The following BMP7 variants were observed in gnomAD, a reference collection of about 807,000 sequenced individuals.
BMP7 encodes osteogenic protein 1.
A neutral mutation model predicts 41.2 loss-of-function variants in BMP7; 12 were observed. The observed-to-expected ratio is 0.29, with a 90% confidence interval of 0.19 to 0.47. The LOEUF is 0.47. Ranked by LOEUF, BMP7 falls within the 20% of genes least tolerant of loss-of-function variation. The pLI is 0.99. For synonymous variants in BMP7, 248 were observed against 250.0 expected (o/e 0.99, Z 0.07); for missense variants, 467 against 606.0 (o/e 0.77, Z 2.41).
intron 3 of BMP7, among the ~76,000 whole-genome samples, chr20:57,199,775 T>G (rs1984579940): frequency 6.6e-6 from 1 of 151,962 alleles, no homozygotes; most frequent in African/African-American, 2.4e-5. Flanking sequence ...TCCCTGACAA[T>G]CCAAGTGGGT....
chr20:57,252,528 C>T (rs1001244129), intron 1 of BMP7, among the ~76,000 whole-genome samples: 5 of 152,196 alleles, frequency 3.3e-5, no homozygotes, highest in African/African-American at 9.6e-5. Context: ...GGCCAGTCCT[C>T]GATGTGTGTT....
intron 2 of BMP7, among the ~76,000 whole-genome samples, chr20:57,216,069 G>A (rs1020879260): frequency 6.6e-6 from 1 of 152,166 alleles, no homozygotes; most frequent in Non-Finnish European, 1.5e-5. Flanking sequence ...AGGCTGGGTT[G>A]GAACATCTAG....
intron 2 of BMP7, among the ~76,000 whole-genome samples, chr20:57,205,129 G>A (rs924738776): frequency 1.6e-4 from 21 of 134,226 alleles, no homozygotes; most frequent in African/African-American, 6.6e-4. Context: ...TATAAGGAAT[G>A]AGGTATTTGT....
Position 57,183,712 on chromosome 20 carries a change from C to A in BMP7, c.958+10G>T, listed in dbSNP as rs1482769727. The A allele has an allele frequency of 2.5e-6, 4 of 1,613,762 alleles. No individual in the cohort carries two copies. In the South Asian group the frequency reaches 4.4e-5, roughly 18 times the overall value. The stretch of plus-strand genomic sequence containing the variant: ...GTGGTGGGTCTGTGATCCCTCCCAC[C>A]TAAGCATACCTGCCACGTTGGCCAT... On this transcript the variant is annotated intron_variant, in intron 4 of 6. Transcript: ENST00000395863.
intron 1 of BMP7, among the ~76,000 whole-genome samples, chr20:57,257,746 G>C (rs1466506451): frequency 6.8e-6 from 1 of 146,718 alleles, no homozygotes; most frequent in Non-Finnish European, 1.5e-5. Context: ...CTGCAAGGCT[G>C]TGCATGGGCA....
At chr20:57,242,324 G>C (rs117368220) in intron 1 of BMP7, among the ~76,000 whole-genome samples, 4,112 of 152,288 alleles carry the variant, frequency 0.027, 79 homozygotes, top group Non-Finnish European at 0.041. Context: ...GACTAGTGCT[G>C]AGTTGAGAGT....
chr20:57,262,638 C>T (rs1165508935), intron 1 of BMP7, among the ~76,000 whole-genome samples: 1 of 152,152 alleles, frequency 6.6e-6, no homozygotes, highest in Non-Finnish European at 1.5e-5. Context: ...CCCCCTCCCG[C>T]GCACGCAGGC....
At chr20:57,250,557 GA>G (rs1036732982) in intron 1 of BMP7, among the ~76,000 whole-genome samples, 3 of 147,720 alleles carry the variant, frequency 2.0e-5, no homozygotes, top group African/African-American at 7.4e-5. Context: ...AAAAAAAAAG[GA>G]GAAATTCATT....
At chr20:57,263,376 A>G (rs77428719) in intron 1 of BMP7, among the ~76,000 whole-genome samples, 3,058 of 152,284 alleles carry the variant, frequency 0.02, 96 homozygotes, top group African/African-American at 0.071. Context: ...GGCCTTCCCA[A>G]ACAAGTCCCA....
chr20:57,218,591 T>C (rs1368932716), intron 2 of BMP7, among the ~76,000 whole-genome samples: 1 of 151,710 alleles, frequency 6.6e-6, no homozygotes, highest in Non-Finnish European at 1.5e-5. Flanking sequence ...AGCTGGTGTT[T>C]GGTGGTAGCT....
intron 1 of BMP7, among the ~76,000 whole-genome samples, chr20:57,237,869 A>G (rs2066053731): frequency 6.6e-6 from 1 of 152,262 alleles, no homozygotes; most frequent in Non-Finnish European, 1.5e-5. Flanking sequence ...ATAGAAGCTC[A>G]CTTAGATTGC....
At chr20:57,187,372 T>C (rs957421852) in intron 3 of BMP7, among the ~76,000 whole-genome samples, 1 of 152,208 alleles carries the variant, frequency 6.6e-6, no homozygotes, top group Non-Finnish European at 1.5e-5. Context: ...GTGCCTTACA[T>C]AGCCTCCACC....
At chr20:57,197,407 C>T (rs1984517999) in intron 3 of BMP7, among the ~76,000 whole-genome samples, 1 of 152,180 alleles carries the variant, frequency 6.6e-6, no homozygotes, top group African/African-American at 2.4e-5. Context: ...CTCCGGATGG[C>T]CAGGCTGGGT....
At chr20:57,256,677 C>A (rs1244633922) in intron 1 of BMP7, among the ~76,000 whole-genome samples, 1 of 152,074 alleles carries the variant, frequency 6.6e-6, no homozygotes, top group Non-Finnish European at 1.5e-5. Flanking sequence ...TGAGGCCAGC[C>A]TGGCCAACAT....
intron 1 of BMP7, among the ~76,000 whole-genome samples, chr20:57,245,905 TG>T (rs2066089020): frequency 6.6e-6 from 1 of 152,228 alleles, no homozygotes; most frequent in African/African-American, 2.4e-5. Context: ...CCCAAAGTGC[TG>T]GGATTACAGG....
At chr20:57,225,307 G>A (rs1985285627) in intron 2 of BMP7, among the ~76,000 whole-genome samples, 1 of 152,114 alleles carries the variant, frequency 6.6e-6, no homozygotes, top group African/African-American at 2.4e-5. Context: ...CAGAATTAGG[G>A]GAATTGGCTC....
intron 1 of BMP7, among the ~76,000 whole-genome samples, chr20:57,230,600 C>T (rs2066025419): frequency 6.6e-6 from 1 of 151,346 alleles, no homozygotes; most frequent in Admixed American, 6.6e-5. Context: ...AAACCAGAGG[C>T]CTGAACCACC....
At chr20:57,230,035 A>G (rs1657773740) in intron 1 of BMP7, among the ~76,000 whole-genome samples, 1 of 152,188 alleles carries the variant, frequency 6.6e-6, no homozygotes. Context: ...GCACAGGAGC[A>G]TCCCTGTCTT....
intron 4 of BMP7, among the ~76,000 whole-genome samples, chr20:57,179,684 A>G (rs372018500): frequency 3.9e-5 from 6 of 152,220 alleles, no homozygotes; most frequent in East Asian, 1.9e-4. Context: ...CGAGCGATTC[A>G]AAGGGGCAGG....
Sources: gnomAD v4.1 joint callset for allele counts (sites outside exome capture counted in the v4.1 genomes callset) on GRCh38, gnomAD v4.1.1 for gene constraint, MANE v1.5 for transcripts, NCBI Gene and HGNC (gene_info 2026-07-23, HGNC 2026-07-21) for gene names.